CCDC25: variants seen among roughly 807,000 people sequenced by gnomAD.
CCDC25 encodes the protein coiled-coil domain containing 25, also known as coiled-coil domain-containing protein 25.
Under a neutral mutation model 35.3 loss-of-function variants are expected in CCDC25, and 16 were observed. The observed-to-expected ratio is 0.45, with a 90% CI of 0.31 to 0.69. The LOEUF is 0.69. Ranked by LOEUF, CCDC25 falls within the 30% of genes least tolerant of loss-of-function variation. CCDC25 has a pLI of 0.06. For missense variants in CCDC25, 179 were observed against 250.7 expected (o/e 0.71, Z 1.93); for synonymous variants, 79 against 80.3 (o/e 0.98, Z 0.09).
chr8:27,769,670 T>G (rs1292340165), intron 1 of CCDC25, among the ~76,000 whole-genome samples: 1 of 152,156 alleles, frequency 6.6e-6, no homozygotes, highest in Non-Finnish European at 1.5e-5. Context: ...GAGAAATAGC[T>G]CATGGCACAC....
chr8:27,752,544 C>G lies in CCDC25; in HGVS notation c.212G>C (p.Cys71Ser), dbSNP rs1394802342. ...GCTATTGGCCTTCACAAGGTGGGCA[C>G]AGTCCATCAGCACTTCCTTTGGGAT... is the stretch of plus-strand genomic sequence containing the variant. Reference protein sequence around the residue: ...EDIPKEVLMDCAHLVKANSIQ... With the variant: ...EDIPKEVLMDSAHLVKANSIQ... The change falls in exon 5 of 9, where the codon TGT (cysteine) becomes TCT (serine). Residue 71 changes from cysteine (C) to serine (S), a missense_variant. Coordinates refer to ENST00000356537, the MANE Select transcript of CCDC25 (RefSeq NM_018246.3). The G allele has an allele frequency of 1.9e-6, 3 of 1,613,630 alleles. No individual in the cohort carries two copies. The highest frequency in any genetic ancestry group is 1.7e-6 in the Non-Finnish European group (2 of 1,179,750).
At chr8:27,762,215 C>T (rs886881955) in intron 3 of CCDC25, among the ~76,000 whole-genome samples, 3 of 152,194 alleles carry the variant, frequency 2.0e-5, no homozygotes, top group Non-Finnish European at 4.4e-5. Context: ...GTCCTAGAGG[C>T]CTTTGCTCTC....
At chr8:27,740,754 T>C (rs1473430275) in intron 7 of CCDC25, among the ~76,000 whole-genome samples, 3 of 152,248 alleles carry the variant, frequency 2.0e-5, no homozygotes, top group Non-Finnish European at 4.4e-5. Context: ...TCCTACTTGT[T>C]TCATGTCACC....
chr8:27,740,032 A>C (rs1418919111), intron 8 of CCDC25, among the ~76,000 whole-genome samples: 1 of 152,224 alleles, frequency 6.6e-6, no homozygotes, highest in African/African-American at 2.4e-5. Flanking sequence ...CTTAGGCTTC[A>C]CTGAGTCACA....
In CCDC25 at chr8:27,747,634, A is replaced by C. The variant is rs1347078619; in HGVS notation, c.551+443T>G. ...AGTGCTTTGAAGCAGACCTCACTACATTACTTTAAACTTTCAAAATGTAAA... is the reference window on the plus strand; with the variant it reads ...AGTGCTTTGAAGCAGACCTCACTACCTTACTTTAAACTTTCAAAATGTAAA... On this transcript the variant is annotated intron_variant, in intron 7 of 8. Coordinates refer to ENST00000356537, the MANE Select transcript of CCDC25 (RefSeq NM_018246.3). The C allele has an allele frequency of 8.2e-5, 14 of 171,192 alleles. No individual in the cohort carries two copies. In the Admixed American group the frequency reaches 8.2e-4, roughly 10 times the overall value. 10.6% of individuals were successfully genotyped at this position (171,192 alleles called of 1,614,324 possible).
At chr8:27,739,055 A>G (rs1029772308) in intron 8 of CCDC25, among the ~76,000 whole-genome samples, 8 of 152,116 alleles carry the variant, frequency 5.3e-5, no homozygotes, top group African/African-American at 1.9e-4. Flanking sequence ...GATGATGAAT[A>G]CTCCCTCAGA....
chr8:27,747,810 G>C, intron 7 of CCDC25: 1 of 426,074 alleles, frequency 2.3e-6, no homozygotes, highest in Admixed American at 4.2e-5. Flanking sequence ...CCAAACTAGG[G>C]ATAACCTATG....
intron 7 of CCDC25, 60 bp downstream of exon 7, chr8:27,748,017 G>A (rs976565648): frequency 6.6e-7 from 1 of 1,517,870 alleles, no homozygotes; most frequent in Non-Finnish European, 9.1e-7. Context: ...GCTAATACAT[G>A]ATTAAAATCA....
At position 27,748,601 on chromosome 8, in the gene CCDC25, G is replaced by A; in HGVS notation, c.245-3C>T. ...ATTAACGTTGTTCATCTTGCAGCCT[G>A]CCAAGAGAGACTGTCTTCAACATGC... On this transcript the variant is annotated splice_region_variant and splice_polypyrimidine_tract_variant and intron_variant, in intron 5 of 8. Transcript: ENST00000356537. The A allele has an allele frequency of 6.2e-7, 1 of 1,607,546 alleles. No individual in the cohort carries two copies. Among genetic ancestry groups the A allele is most frequent in the Non-Finnish European group, 8.5e-7 (1 of 1,174,174 alleles).
intron 5 of CCDC25, among the ~76,000 whole-genome samples, chr8:27,751,362 C>T (rs1354358683): frequency 3.3e-5 from 5 of 152,200 alleles, no homozygotes; most frequent in Admixed American, 1.3e-4. Context: ...AATGGAATGT[C>T]CCAAAATGTA....
chr8:27,749,944 T>C (rs1315780479), intron 5 of CCDC25, among the ~76,000 whole-genome samples: 1 of 152,204 alleles, frequency 6.6e-6, no homozygotes, highest in East Asian at 1.9e-4. Context: ...TGAATCTAAG[T>C]GAATGGTATA....
intron 1 of CCDC25, among the ~76,000 whole-genome samples, chr8:27,767,394 T>C (rs1804436394): frequency 1.3e-5 from 2 of 151,980 alleles, no homozygotes; most frequent in African/African-American, 2.4e-5. Flanking sequence ...ATATAAAATA[T>C]TAATAAAGTT....
chr8:27,752,313 A>G (rs4732744), intron 5 of CCDC25, among the ~76,000 whole-genome samples, 199 bp downstream of exon 5: 130,732 of 152,204 alleles, frequency 0.86, 56,421 homozygotes, highest in Non-Finnish European at 0.9. Context: ...CAAAATGACA[A>G]GGGTGGGGAG....
chr8:27,757,958 C>T lies in CCDC25; in HGVS notation c.117-1188G>A, dbSNP rs572942311. Among the ~76,000 whole-genome samples the T allele has an allele frequency of 2.6e-5, 4 of 152,238 alleles. No homozygotes were observed. The South Asian group carries it at 8.3e-4, about 32-fold the overall frequency. On this transcript the variant is annotated intron_variant, in intron 3 of 8. Coordinates refer to ENST00000356537, the MANE Select transcript of CCDC25 (RefSeq NM_018246.3). ...CACCCTGCTCCTGCCATGTAAGCCGCCTCGCTTCCCCTTTGCCTTCTGCCA... is the reference window on the plus strand; with the variant it reads ...CACCCTGCTCCTGCCATGTAAGCCGTCTCGCTTCCCCTTTGCCTTCTGCCA...
chr8:27,748,303 A>T, intron 6 of CCDC25, 24 bp from the exon 7 acceptor site: 1 of 1,595,022 alleles, frequency 6.3e-7, no homozygotes. Flanking sequence ...AGGAGAAAAG[A>T]TATTGCATCT....
Position 27,772,567 on chromosome 8 carries a change from A to G in CCDC25, c.-27T>C. 6.5e-7 allele frequency: 1 copy of G among 1,548,036 alleles called. No individual in the cohort carries two copies. The highest frequency in any genetic ancestry group is 8.7e-7 in the Non-Finnish European group (1 of 1,145,902). Reference sequence around the variant, plus strand: ...ATCCCGGGAGCGGTGCGGTGACTCCACCGCGGAGCAGCAGCGCTCAACTCA... The same window carrying G: ...ATCCCGGGAGCGGTGCGGTGACTCCGCCGCGGAGCAGCAGCGCTCAACTCA... On this transcript the variant is annotated 5_prime_UTR_variant, in exon 1 of 9. Transcript: ENST00000356537.
At chr8:27,757,633 T>A (rs1043857341) in intron 3 of CCDC25, among the ~76,000 whole-genome samples, 2 of 152,240 alleles carry the variant, frequency 1.3e-5, no homozygotes, top group Non-Finnish European at 2.9e-5. Flanking sequence ...ATTCACCCAA[T>A]GAACTTGACT....
chr8:27,757,520 C>T (rs1014995003), intron 3 of CCDC25, among the ~76,000 whole-genome samples: 1 of 152,132 alleles, frequency 6.6e-6, no homozygotes, highest in Non-Finnish European at 1.5e-5. Flanking sequence ...GAATGTCCCC[C>T]ACCCCTTAAA....
chr8:27,764,662 C>A (rs927898389), intron 2 of CCDC25: 1 of 219,364 alleles, frequency 4.6e-6, no homozygotes, highest in Non-Finnish European at 9.4e-6. Context: ...AAATTTATAT[C>A]TGTGACATAA....
Sources: allele counts gnomAD v4.1 joint callset (sites outside exome capture counted in the v4.1 genomes callset), GRCh38; gene constraint gnomAD v4.1.1; transcripts MANE v1.5; gene names NCBI Gene and HGNC (gene_info 2026-07-23, HGNC 2026-07-21).